Variants in NMBR observed in about 807,000 individuals in gnomAD.
The protein encoded by NMBR is neuromedin-B receptor.
In NMBR, 16 loss-of-function variants were observed where a neutral mutation model predicts 20.5. The ratio of observed to expected loss-of-function variants is 0.78; its 90% CI spans 0.53 to 1.19. NMBR has a LOEUF of 1.19. Among genes scored for constraint, NMBR ranks in the 50% most tolerant of loss-of-function variants. The probability of loss-of-function intolerance (pLI) is 0.00; values close to 1 mark genes in which losing one functional copy is unlikely to be tolerated. For synonymous variants in NMBR, 212 were observed against 196.6 expected (o/e 1.08, Z -0.65); for missense variants, 582 against 499.1 (o/e 1.17, Z -1.58).
Position 142,088,688 on chromosome 6 carries a change from T to G in NMBR, c.-30A>C, listed in dbSNP as rs888940013. ...TCCTTTCCAGCAGAGTCCGCTGGAG[T>G]TTTCACGCGCTCCGGTGCCCTGAGG... is the stretch of plus-strand genomic sequence containing the variant. On this transcript the variant is annotated 5_prime_UTR_variant, in exon 2 of 4. Transcript: ENST00000258042. 1.3e-6 allele frequency: 2 copies of G among 1,570,498 alleles called. No individual in the cohort carries two copies. The highest frequency in any genetic ancestry group is 1.7e-6 in the Non-Finnish European group (2 of 1,162,366).
At chr6:142,136,877 C>T (rs1778269053) in intron 1 of NMBR, among the ~76,000 whole-genome samples, 1 of 152,122 alleles carries the variant, frequency 6.6e-6, no homozygotes, top group Non-Finnish European at 1.5e-5. Context: ...GTACCAGTAC[C>T]ATGCTGTTTT....
At position 142,082,979 on chromosome 6, in the gene NMBR, C is replaced by T. The variant is rs181979451; in HGVS notation, c.423-4076G>A. On this transcript the variant is annotated intron_variant, in intron 2 of 3. Transcript: ENST00000258042. ...CAATCCCTCCTTATTTATAGTGTGT[C>T]CCAAAAGTTTCAGATCAAGGTAGAT... 1.9e-3 allele frequency among the ~76,000 whole-genome samples: 287 copies of T among 152,208 alleles called. 2 individuals carry two copies. The highest frequency in any genetic ancestry group is 3.0e-3 in the Non-Finnish European group (202 of 68,026).
chr6:142,090,675 G>A (rs907225587), intron 1 of NMBR, among the ~76,000 whole-genome samples: 1 of 151,310 alleles, frequency 6.6e-6, no homozygotes, highest in African/African-American at 2.4e-5. Flanking sequence ...TTACATGTAA[G>A]TTGAGAAATG....
In NMBR at chr6:142,079,167, A is replaced by G. The variant is rs9484596; in HGVS notation, c.423-264T>C. Among the ~76,000 whole-genome samples the G allele has an allele frequency of 7.4e-3, 290 of 39,204 alleles. 3 individuals carry two copies. The highest frequency in any genetic ancestry group is 0.026 in the African/African-American group (177 of 6,830). 25.7% of individuals were successfully genotyped at this position (39,204 alleles called of 152,430 possible). ...AAAAAGAAGAGAGGAGAGGAGAGGA[A>G]AGGAAAGGAAAGGGAAGGAGAAAAG... is the stretch of plus-strand genomic sequence containing the variant. On this transcript the variant is annotated intron_variant, in intron 2 of 3. Transcript: ENST00000258042.
intron 1 of NMBR, among the ~76,000 whole-genome samples, chr6:142,115,405 T>A (rs1472342780): frequency 6.6e-6 from 1 of 152,046 alleles, no homozygotes; most frequent in African/African-American, 2.4e-5. Context: ...AGCATAGATT[T>A]TCTAGCAAGA....
chr6:142,138,397 C>A (rs1175457680), intron 1 of NMBR, among the ~76,000 whole-genome samples: 1 of 152,050 alleles, frequency 6.6e-6, no homozygotes, highest in East Asian at 1.9e-4. Flanking sequence ...CTGATGTCTG[C>A]TATTTAACAA....
intron 1 of NMBR, among the ~76,000 whole-genome samples, chr6:142,117,424 G>A (rs1777874364): frequency 1.3e-5 from 2 of 151,716 alleles, no homozygotes; most frequent in Non-Finnish European, 2.9e-5. Context: ...AGGAATAATG[G>A]ACATTAAATT....
At chr6:142,141,549 G>GT (rs1778360983) in intron 1 of NMBR, among the ~76,000 whole-genome samples, 1 of 151,500 alleles carries the variant, frequency 6.6e-6, no homozygotes, top group Admixed American at 6.6e-5. Flanking sequence ...CTGTCTCCAG[G>GT]GCTGGAGTGC....
At chr6:142,114,263 T>C (rs1777815111) in intron 1 of NMBR, among the ~76,000 whole-genome samples, 1 of 152,208 alleles carries the variant, frequency 6.6e-6, no homozygotes, top group African/African-American at 2.4e-5. Flanking sequence ...AATGCCTTTT[T>C]CTTTGCTATT....
intron 1 of NMBR, among the ~76,000 whole-genome samples, chr6:142,125,546 A>G (rs1266685174): frequency 1.0e-5 from 1 of 97,676 alleles, no homozygotes; most frequent in Non-Finnish European, 2.5e-5. Flanking sequence ...TGTAAGCCCC[A>G]TGGAGGCAAG....
At position 142,093,996 on chromosome 6, in the gene NMBR, G is replaced by T. The variant is rs568092694; in HGVS notation, c.-663-4675C>A. Among the ~76,000 whole-genome samples the T allele has an allele frequency of 3.2e-4, 36 of 110,832 alleles. No individual in the cohort carries two copies. The East Asian group carries it at 0.015, about 46-fold the overall frequency. 72.7% of individuals were successfully genotyped at this position (110,832 alleles called of 152,430 possible). A position where few individuals can be genotyped will look rare whatever the true frequency, so the allele number is the denominator to read the frequency against. On this transcript the variant is annotated intron_variant, in intron 1 of 3. Coordinates refer to ENST00000258042, the MANE Select transcript of NMBR (RefSeq NM_002511.4). ...ATATCCTTCGCCCACTCTTTGATGG[G>T]GTTGTTTTTTTTCTTGTAAATTTGT...
Position 142,078,588 on chromosome 6 carries a change from A to G in NMBR, c.738T>C (p.Leu246=), listed in dbSNP as rs1486335428. 2 of 1,607,090 alleles carry G rather than the reference A, an allele frequency of 1.2e-6. No individual in the cohort carries two copies. Among genetic ancestry groups the G allele is most frequent in the Admixed American group, 3.4e-5 (2 of 59,670 alleles). Residue 246 remains leucine (L), a synonymous_variant, in exon 3 of 4, where the codon CTT becomes CTC. Transcript: ENST00000258042. ...AKTLIKSAHN[L]PGEYNEHTKK... is the part of the protein sequence containing the mutation. ...TGGTATGTTCATTGTATTCTCCAGG[A>G]AGATTGTGTGCGCTTTTAATTAAGG...
rs774291337 is a variant in NMBR at position 142,134,030 on chromosome 6, CA to C, written c.-664+13013del. ...CAATCAGTTCAGGCCAATCACTCCA[CA>C]AGTAAGTTTTTCTGTGTGCACATAA... On this transcript the variant is annotated intron_variant, in intron 1 of 3. Coordinates refer to ENST00000258042, the MANE Select transcript of NMBR (RefSeq NM_002511.4). 26 of 684,768 alleles carry C rather than the reference CA, an allele frequency of 3.8e-5. No individual in the cohort carries two copies. The African/African-American group carries it at 4.2e-4, about 11-fold the overall frequency. The allele number at this position is 684,768 out of a possible 1,614,324, so 42.4% of individuals were successfully genotyped here.
In NMBR at chr6:142,128,366, T is replaced by C. The variant is rs1184671140; in HGVS notation, c.-664+18678A>G. ...GAACAGGCTAGTACAGATATCTTTTTGGGTCCAATTGCTCTGGTTATGACT... is the reference window on the plus strand; with the variant it reads ...GAACAGGCTAGTACAGATATCTTTTCGGGTCCAATTGCTCTGGTTATGACT... On this transcript the variant is annotated intron_variant, in intron 1 of 3. Coordinates refer to ENST00000258042, the MANE Select transcript of NMBR (RefSeq NM_002511.4). Among the ~76,000 whole-genome samples, 5 of 152,228 alleles carry C rather than the reference T, an allele frequency of 3.3e-5. No individual in the cohort carries two copies. The East Asian group carries it at 9.7e-4, about 30-fold the overall frequency.
chr6:142,082,642 G>A (rs1056634939), intron 2 of NMBR, among the ~76,000 whole-genome samples: 1 of 152,208 alleles, frequency 6.6e-6, no homozygotes, highest in Non-Finnish European at 1.5e-5. Context: ...TTTTAAGAGA[G>A]TTGTGTGCAG....
chr6:142,110,194 C>T (rs1230186146), intron 1 of NMBR, among the ~76,000 whole-genome samples: 1 of 152,104 alleles, frequency 6.6e-6, no homozygotes, highest in African/African-American at 2.4e-5. Context: ...CATAAAATTA[C>T]TACATTATCC....
intron 1 of NMBR, among the ~76,000 whole-genome samples, chr6:142,100,151 C>T (rs1279692996): frequency 6.6e-6 from 1 of 152,182 alleles, no homozygotes; most frequent in Non-Finnish European, 1.5e-5. Context: ...GACAGTTTGG[C>T]AGTTTCATAC....
At chr6:142,090,829 T>A (rs556378442) in intron 1 of NMBR, among the ~76,000 whole-genome samples, 30 of 151,944 alleles carry the variant, frequency 2.0e-4, no homozygotes, top group Admixed American at 1.4e-3. Context: ...ATATTTTATA[T>A]AAAAATATAT....
chr6:142,081,122 T>C (rs931900049), intron 2 of NMBR, among the ~76,000 whole-genome samples: 2 of 152,176 alleles, frequency 1.3e-5, no homozygotes, highest in Non-Finnish European at 2.9e-5. Context: ...CTTCTTGCTG[T>C]TTATTCAAAT....
Sources: gnomAD v4.1 joint callset for allele counts (sites outside exome capture counted in the v4.1 genomes callset) on GRCh38, gnomAD v4.1.1 for gene constraint, MANE v1.5 for transcripts, NCBI Gene and HGNC (gene_info 2026-07-23, HGNC 2026-07-21) for gene names.